Variants in ERC2 observed in about 807,000 individuals in gnomAD.
ERC2 encodes ELKS/RAB6-interacting/CAST family member 2, also known as ERC protein 2.
A neutral mutation model predicts 114.8 loss-of-function variants in ERC2; 42 were observed. That is an observed-to-expected ratio of 0.37 (90% CI 0.29 to 0.47). The LOEUF (loss-of-function observed/expected upper bound fraction) is 0.47, where lower values mean the gene tolerates loss of function less well. Among genes scored for constraint, ERC2 ranks in the 20% least tolerant of loss-of-function variants. ERC2 has a pLI of 0.99. For missense variants in ERC2, 939 were observed against 1,150.7 expected (o/e 0.82, Z 2.66); for synonymous variants, 454 against 425.5 (o/e 1.07, Z -0.82).
In ERC2 at chr3:55,583,539, T is replaced by C. The variant is rs1266045872; in HGVS notation, c.*40-72263A>G. On this transcript the variant is annotated intron_variant, in intron 17 of 17. Coordinates refer to ENST00000288221, the MANE Select transcript of ERC2 (RefSeq NM_015576.3). ...TCCCTCCCTCCCTTCCTTCCTTCCT[T>C]CCTTTCTTCCTTCCTTCCTTCCTTC... 2.2e-3 allele frequency among the ~76,000 whole-genome samples: 96 copies of C among 44,198 alleles called. 3 individuals are homozygous for C. The highest frequency in any genetic ancestry group is 8.8e-3 in the South Asian group (6 of 682). The allele number at this position is 44,198 out of a possible 152,430, so 29.0% of individuals were successfully genotyped here. A position where few individuals can be genotyped will look rare whatever the true frequency, so the allele number is the denominator to read the frequency against.
At chr3:55,583,281 A>G (rs2057350071) in intron 17 of ERC2, among the ~76,000 whole-genome samples, 1 of 152,292 alleles carries the variant, frequency 6.6e-6, no homozygotes, top group African/African-American at 2.4e-5. Flanking sequence ...AGAAATCACA[A>G]TGTAAAGTCA....
intron 14 of ERC2, among the ~76,000 whole-genome samples, chr3:55,848,645 T>C (rs370199934): frequency 9.9e-5 from 15 of 152,190 alleles, no homozygotes; most frequent in Non-Finnish European, 1.9e-4. Context: ...TCACCACATA[T>C]GTTTTTATAT....
chr3:56,348,000 T>C (rs1403145011), intron 2 of ERC2, among the ~76,000 whole-genome samples: 1 of 152,210 alleles, frequency 6.6e-6, no homozygotes, highest in African/African-American at 2.4e-5. Flanking sequence ...AAATCCGTGT[T>C]TGTATTTCTT....
intron 6 of ERC2, among the ~76,000 whole-genome samples, chr3:56,115,611 G>T (rs2079185663): frequency 6.6e-6 from 1 of 152,074 alleles, no homozygotes; most frequent in Non-Finnish European, 1.5e-5. Flanking sequence ...ATATATCACA[G>T]GTTCTTTTAA....
At chr3:56,289,666 T>C (rs2054953425) in intron 3 of ERC2, among the ~76,000 whole-genome samples, 1 of 152,210 alleles carries the variant, frequency 6.6e-6, no homozygotes, top group African/African-American at 2.4e-5. Flanking sequence ...TCTCCAATCA[T>C]GCTTTCCCAC....
At chr3:56,278,594 C>T (rs1013266508) in intron 3 of ERC2, among the ~76,000 whole-genome samples, 1 of 152,146 alleles carries the variant, frequency 6.6e-6, no homozygotes, top group Non-Finnish European at 1.5e-5. Flanking sequence ...GTGTTGCTAT[C>T]AAGAAATACC....
intron 6 of ERC2, among the ~76,000 whole-genome samples, chr3:56,121,412 T>G (rs933364330): frequency 6.6e-6 from 1 of 152,220 alleles, no homozygotes; most frequent in Non-Finnish European, 1.5e-5. Flanking sequence ...AAGTACAATG[T>G]CTTTCTCTAA....
chr3:55,750,261 T>A (rs1196523773), intron 14 of ERC2, among the ~76,000 whole-genome samples: 1 of 152,182 alleles, frequency 6.6e-6, no homozygotes, highest in Non-Finnish European at 1.5e-5. Context: ...TGTTAATAAT[T>A]ATTATTTTGA....
chr3:55,829,587 T>C (rs1373982170), intron 14 of ERC2, among the ~76,000 whole-genome samples: 1 of 152,218 alleles, frequency 6.6e-6, no homozygotes, highest in African/African-American at 2.4e-5. Flanking sequence ...TAATTACGTC[T>C]TACTGAAGTT....
chr3:56,201,813 C>A (rs551222288), intron 3 of ERC2, among the ~76,000 whole-genome samples: 1 of 152,254 alleles, frequency 6.6e-6, no homozygotes, highest in African/African-American at 2.4e-5. Context: ...TAAAATAGTT[C>A]CCATGGAACA....
At chr3:55,671,453 C>T (rs1207706930) in intron 17 of ERC2, among the ~76,000 whole-genome samples, 2 of 152,170 alleles carry the variant, frequency 1.3e-5, no homozygotes, top group East Asian at 1.9e-4. Flanking sequence ...TAAGCCCTAA[C>T]TTGGGACAGT....
chr3:55,552,261 G>T (rs530401611), intron 17 of ERC2, among the ~76,000 whole-genome samples: 1 of 152,266 alleles, frequency 6.6e-6, no homozygotes. Context: ...CTTGACCTTG[G>T]CCAGGGGTGG....
chr3:56,368,583 C>G (rs1201809479), intron 2 of ERC2, among the ~76,000 whole-genome samples: 1 of 152,156 alleles, frequency 6.6e-6, no homozygotes, highest in Non-Finnish European at 1.5e-5. Flanking sequence ...GCCATGCAAT[C>G]CACTCCCTCA....
intron 17 of ERC2, among the ~76,000 whole-genome samples, chr3:55,616,963 C>T (rs780670232): frequency 1.3e-5 from 2 of 152,122 alleles, no homozygotes; most frequent in Non-Finnish European, 2.9e-5. Context: ...AGGAGTTAGG[C>T]GTTACTCCAA....
Position 55,862,767 on chromosome 3 carries a change from C to G in ERC2, c.2564+25622G>C, listed in dbSNP as rs574475251. Among the ~76,000 whole-genome samples the G allele has an allele frequency of 2.0e-5, 3 of 152,308 alleles. No homozygotes were observed. The East Asian group carries it at 5.8e-4, about 29-fold the overall frequency. On this transcript the variant is annotated intron_variant, in intron 14 of 17. Transcript: ENST00000288221. Reference sequence around the variant, plus strand: ...CTGCTGTTCAAACCTGTCACACTTCCCTTTCCAGCAGACCCACCACATGCA... The same window carrying G: ...CTGCTGTTCAAACCTGTCACACTTCGCTTTCCAGCAGACCCACCACATGCA...
intron 14 of ERC2, among the ~76,000 whole-genome samples, chr3:55,736,169 C>T (rs2065621676): frequency 6.6e-6 from 1 of 152,148 alleles, no homozygotes; most frequent in Admixed American, 6.6e-5. Context: ...GCCCAGATTC[C>T]ACCATTCTAT....
chr3:56,435,981 G>A (rs962404597), intron 1 of ERC2, among the ~76,000 whole-genome samples: 3 of 152,200 alleles, frequency 2.0e-5, no homozygotes, highest in Admixed American at 2.0e-4. Context: ...AAATGGCAAA[G>A]GAGAAGAAGT....
intron 16 of ERC2, among the ~76,000 whole-genome samples, chr3:55,692,883 C>G (rs929864669): frequency 6.6e-6 from 1 of 152,096 alleles, no homozygotes; most frequent in African/African-American, 2.4e-5. Flanking sequence ...GTTCTGTGAC[C>G]AGAGTTTGAA....
intron 8 of ERC2, among the ~76,000 whole-genome samples, chr3:56,013,993 G>T (rs1246169115): frequency 2.2e-4 from 34 of 152,032 alleles, no homozygotes; most frequent in Non-Finnish European, 2.1e-4. Flanking sequence ...CTATCCAACG[G>T]TTTTATCTGT....
Sources: allele counts gnomAD v4.1 joint callset (sites outside exome capture counted in the v4.1 genomes callset), GRCh38; gene constraint gnomAD v4.1.1; transcripts MANE v1.5; gene names NCBI Gene and HGNC (gene_info 2026-07-23, HGNC 2026-07-21).